Variants in PRKD1 observed in about 807,000 individuals in gnomAD.
PRKD1 encodes the protein serine/threonine-protein kinase D1.
PRKD1 carries 63 observed loss-of-function variants against 95.9 expected under a neutral mutation model. That is an observed-to-expected ratio of 0.66 (90% CI 0.54 to 0.81). The LOEUF (loss-of-function observed/expected upper bound fraction) is 0.81. Among genes scored for constraint, PRKD1 ranks in the 30% least tolerant of loss-of-function variants. The probability of loss-of-function intolerance (pLI) is 0.00; values close to 1 mark genes in which losing one functional copy is unlikely to be tolerated. For missense variants in PRKD1, 1,048 were observed against 1,165.3 expected (o/e 0.90, Z 1.47); for synonymous variants, 425 against 423.1 (o/e 1.00, Z -0.05).
intron 4 of PRKD1, chr14:29,656,398 G>A: frequency 2.2e-6 from 3 of 1,367,990 alleles, no homozygotes; most frequent in Non-Finnish European, 3.0e-6. Flanking sequence ...ACAGACAATT[G>A]TCTGATGTCA....
At chr14:29,684,853 C>T (rs1305288687) in intron 2 of PRKD1, among the ~76,000 whole-genome samples, 1 of 152,164 alleles carries the variant, frequency 6.6e-6, no homozygotes, top group Non-Finnish European at 1.5e-5. Flanking sequence ...TTAAGGCATG[C>T]AATTTTTCCA....
At chr14:29,823,333 T>A (rs572939356) in intron 1 of PRKD1, among the ~76,000 whole-genome samples, 21 of 152,322 alleles carry the variant, frequency 1.4e-4, no homozygotes, top group Non-Finnish European at 2.8e-4. Context: ...ATATGTTAAA[T>A]TACCATCACA....
intron 1 of PRKD1, among the ~76,000 whole-genome samples, chr14:29,814,395 C>G (rs953678112): frequency 6.6e-6 from 1 of 152,164 alleles, no homozygotes; most frequent in African/African-American, 2.4e-5. Flanking sequence ...AAGGCAGGAG[C>G]GCAGTGCTGG....
rs1010937379 is a variant in PRKD1 at position 29,693,264 on chromosome 14, C to T, written c.404-27056G>A. Among the ~76,000 whole-genome samples the T allele has an allele frequency of 9.8e-4, 149 of 152,056 alleles. 1 individual carries two copies. The highest frequency in any genetic ancestry group is 2.5e-4 in the Non-Finnish European group (17 of 67,968). On this transcript the variant is annotated intron_variant, in intron 2 of 17. Transcript: ENST00000331968. ...TTCTAAGTCGGAAGTTTTGAATTTT[C>T]AAGTACTTTGTGTTCTAAAGGCTAT... is the stretch of plus-strand genomic sequence containing the variant.
chr14:29,678,559 G>A (rs192103131), intron 2 of PRKD1, among the ~76,000 whole-genome samples: 259 of 152,230 alleles, frequency 1.7e-3, no homozygotes, highest in Admixed American at 4.3e-3. Context: ...TTGGGTGGGA[G>A]GGGCAGGTGG....
intron 1 of PRKD1, among the ~76,000 whole-genome samples, chr14:29,876,665 C>A (rs1893300955): frequency 6.7e-6 from 1 of 148,590 alleles, no homozygotes. Context: ...TATATAAGGC[C>A]AAACTCTAGT....
chr14:29,803,277 T>C (rs1293621489), intron 1 of PRKD1, among the ~76,000 whole-genome samples: 1 of 152,156 alleles, frequency 6.6e-6, no homozygotes, highest in Non-Finnish European at 1.5e-5. Flanking sequence ...GAATAAACAG[T>C]CTCATTTTGA....
chr14:29,861,458 T>C (rs1261710004), intron 1 of PRKD1, among the ~76,000 whole-genome samples: 1 of 152,194 alleles, frequency 6.6e-6, no homozygotes. Context: ...ACTTATGTGG[T>C]ACATGAGATA....
intron 13 of PRKD1, among the ~76,000 whole-genome samples, chr14:29,615,900 C>T (rs1425776636): frequency 1.3e-5 from 2 of 151,988 alleles, no homozygotes; most frequent in Admixed American, 6.6e-5. Flanking sequence ...ATTAGGGTTA[C>T]GTGTTTGGCT....
intron 1 of PRKD1, among the ~76,000 whole-genome samples, chr14:29,859,623 A>G (rs1347956251): frequency 6.7e-6 from 1 of 149,720 alleles, no homozygotes; most frequent in Non-Finnish European, 1.5e-5. Context: ...AAAAAAAAAA[A>G]TCTGACAGTA....
intron 1 of PRKD1, among the ~76,000 whole-genome samples, chr14:29,825,439 C>T (rs1221111886): frequency 6.6e-6 from 1 of 151,908 alleles, no homozygotes. Flanking sequence ...TGTGTGTATG[C>T]TTGGAAGAAG....
chr14:29,898,980 T>C (rs1894225784), intron 1 of PRKD1, among the ~76,000 whole-genome samples: 1 of 152,212 alleles, frequency 6.6e-6, no homozygotes, highest in African/African-American at 2.4e-5. Flanking sequence ...TTATAATATC[T>C]TGATCACTGA....
At chr14:29,645,159 A>T (rs568916537) in intron 4 of PRKD1, among the ~76,000 whole-genome samples, 68 of 152,270 alleles carry the variant, frequency 4.5e-4, no homozygotes, top group African/African-American at 1.3e-3. Flanking sequence ...TCTTCCTCTC[A>T]GTTAGTCAAT....
chr14:29,886,949 C>T, intron 1 of PRKD1, among the ~76,000 whole-genome samples: 1 of 152,180 alleles, frequency 6.6e-6, no homozygotes, highest in East Asian at 1.9e-4. Flanking sequence ...CATTTCAACA[C>T]ACAATGATTG....
chr14:29,763,201 T>A (rs1269112417), intron 1 of PRKD1, among the ~76,000 whole-genome samples: 3 of 141,474 alleles, frequency 2.1e-5, no homozygotes, highest in Admixed American at 7.1e-5. Context: ...GAAAGCTGAG[T>A]TGGGGGAAAC....
chr14:29,619,358 C>A (rs1034445432), intron 13 of PRKD1, among the ~76,000 whole-genome samples: 5 of 152,120 alleles, frequency 3.3e-5, no homozygotes, highest in African/African-American at 9.7e-5. Context: ...CCTTTTGCTA[C>A]CTGGTTGGAT....
At chr14:29,914,132 T>C (rs1323483543) in intron 1 of PRKD1, among the ~76,000 whole-genome samples, 1 of 152,252 alleles carries the variant, frequency 6.6e-6, no homozygotes, top group East Asian at 1.9e-4. Flanking sequence ...TCTCTCTTTA[T>C]ATATAGACAC....
At chr14:29,789,411 C>T (rs924667746) in intron 1 of PRKD1, among the ~76,000 whole-genome samples, 13 of 152,118 alleles carry the variant, frequency 8.5e-5, no homozygotes, top group African/African-American at 2.9e-4. Flanking sequence ...CTTTTTCCTA[C>T]AGATATAGCT....
chr14:29,831,879 A>G (rs1891426474), intron 1 of PRKD1, among the ~76,000 whole-genome samples: 1 of 152,172 alleles, frequency 6.6e-6, no homozygotes, highest in Admixed American at 6.6e-5. Context: ...TATCATAAGT[A>G]TGTTGCTGTA....
Sources: gnomAD v4.1 joint callset for allele counts (sites outside exome capture counted in the v4.1 genomes callset) on GRCh38, gnomAD v4.1.1 for gene constraint, MANE v1.5 for transcripts, NCBI Gene and HGNC (gene_info 2026-07-23, HGNC 2026-07-21) for gene names.